ARHGEF9: variants seen among roughly 807,000 people sequenced by gnomAD.
ARHGEF9 encodes the protein Cdc42 guanine nucleotide exchange factor 9.
Under a neutral mutation model 41.3 loss-of-function variants are expected in ARHGEF9, and 2 were observed. The observed-to-expected ratio is 0.05, with a 90% confidence interval of 0.02 to 0.15. ARHGEF9 has a LOEUF of 0.15. Ranked by LOEUF, ARHGEF9 falls within the 10% of genes least tolerant of loss-of-function variation. The pLI is 1.00. For synonymous variants in ARHGEF9, 160 were observed against 154.4 expected, an observed-to-expected ratio of 1.04 and a Z score of -0.27; for missense variants, 225 against 424.7, an observed-to-expected ratio of 0.53 and a Z score of 4.13.
At chrX:63,708,882 CCTAA>C (rs1251137417) in intron 2 of ARHGEF9, among the ~76,000 whole-genome samples, 2 of 112,091 alleles carry the variant, frequency 1.8e-5, no homozygotes, top group African/African-American at 3.2e-5. Flanking sequence ...GCATATAAGG[CCTAA>C]CTGTTTTTCT....
intron 1 of ARHGEF9, among the ~76,000 whole-genome samples, chrX:63,725,324 C>G (rs567671663): frequency 9.0e-6 from 1 of 111,478 alleles, no homozygotes; most frequent in African/African-American, 3.3e-5. Context: ...TTCTGTGATG[C>G]CTTGTACCCA....
At chrX:63,645,500 T>C (rs1455108794) in intron 8 of ARHGEF9, among the ~76,000 whole-genome samples, 2 of 111,490 alleles carry the variant, frequency 1.8e-5, no homozygotes, top group East Asian at 5.6e-4. Flanking sequence ...GTCCTTGAGA[T>C]AGTTTGCTGA....
intron 2 of ARHGEF9, 142 bp from the exon 3 acceptor site, chrX:63,706,591 C>G: frequency 1.4e-6 from 1 of 719,069 alleles, no homozygotes; most frequent in East Asian, 3.5e-5. Context: ...AATTCGAAAC[C>G]TGGCTCTAGG....
At chrX:63,670,507 C>A (rs2049886497) in intron 6 of ARHGEF9, among the ~76,000 whole-genome samples, 1 of 107,876 alleles carries the variant, frequency 9.3e-6, no homozygotes. Context: ...ATATGAGCTA[C>A]AATGTTAGGT....
In ARHGEF9 at chrX:63,678,338, A is replaced by G. The variant is rs2050403310; in HGVS notation, c.815+2T>C. 1 of 1,196,203 alleles carries G rather than the reference A, an allele frequency of 8.4e-7. No individual in the cohort carries two copies. The highest frequency in any genetic ancestry group is 1.1e-6 in the Non-Finnish European group (1 of 885,665). ...TCACTCCTGACTCCCTCGATCCCTT[A>G]CCTGTGGTCTTGGGCAGTATACTTT... On this transcript the variant is annotated splice_donor_variant, in intron 5 of 9. Transcript: ENST00000671741. LOFTEE classifies it high-confidence loss of function.
chrX:63,683,508 T>G (rs1287519994), intron 4 of ARHGEF9, among the ~76,000 whole-genome samples: 7 of 111,569 alleles, frequency 6.3e-5, no homozygotes, highest in Non-Finnish European at 1.3e-4. Flanking sequence ...TATATAAAAT[T>G]TCTATGGAAC....
At chrX:63,719,080 T>C (rs1416488801) in intron 2 of ARHGEF9, among the ~76,000 whole-genome samples, 1 of 112,236 alleles carries the variant, frequency 8.9e-6, no homozygotes, top group Non-Finnish European at 1.9e-5. Context: ...ATTATGTGAA[T>C]GCAAATGAGT....
rs146279574 is a variant in ARHGEF9 at position 63,775,792 on chromosome X, A to G, written c.30+9324T>C. On this transcript the variant is annotated intron_variant, in intron 1 of 9. Transcript: ENST00000671741. ...CCCATGACACACAATTTGCCCATATAACAAACTGGCACACATACTCCTTGA... is the reference window on the plus strand; with the variant it reads ...CCCATGACACACAATTTGCCCATATGACAAACTGGCACACATACTCCTTGA... Among the ~76,000 whole-genome samples the G allele has an allele frequency of 2.9e-4, 32 of 111,749 alleles. No homozygotes were observed. In the East Asian group the frequency reaches 7.3e-3, roughly 25 times the overall value.
At chrX:63,689,770 T>G (rs1483278494) in intron 4 of ARHGEF9, among the ~76,000 whole-genome samples, 8 of 111,934 alleles carry the variant, frequency 7.1e-5, no homozygotes, top group African/African-American at 2.6e-4. Flanking sequence ...TCAACAAATT[T>G]TAAAAAGTCA....
chrX:63,784,630 G>C (rs2056432043), intron 1 of ARHGEF9, among the ~76,000 whole-genome samples: 1 of 111,734 alleles, frequency 8.9e-6, no homozygotes, highest in African/African-American at 3.3e-5. Context: ...GGCTGACCAG[G>C]GAAAGGAGTT....
intron 4 of ARHGEF9, 116 bp downstream of exon 4, chrX:63,697,009 G>A (rs1384015013): frequency 5.9e-5 from 47 of 797,488 alleles, no homozygotes; most frequent in Non-Finnish European, 8.1e-5. Context: ...AGGCCCAAGA[G>A]GAACCCATTC....
chrX:63,678,042 G>A (rs1556364649), intron 5 of ARHGEF9, among the ~76,000 whole-genome samples: 1 of 111,232 alleles, frequency 9.0e-6, no homozygotes, highest in Non-Finnish European at 1.9e-5. Context: ...TTTTTGGATT[G>A]ATGCTGCTTC....
At chrX:63,650,025 GA>G (rs1446448581) in intron 8 of ARHGEF9, among the ~76,000 whole-genome samples, 1 of 111,587 alleles carries the variant, frequency 9.0e-6, no homozygotes, top group Non-Finnish European at 1.9e-5. Context: ...AGAAGAAACA[GA>G]AATAAACTGC....
chrX:63,637,489 C>T lies in ARHGEF9; in HGVS notation c.*539G>A, dbSNP rs1330236612. ...AAGGAGAGGAGAAAGGAGCTCATTCCCTTCCTCAATGGAAAGTAAAAGAGG... is the reference window on the plus strand; with the variant it reads ...AAGGAGAGGAGAAAGGAGCTCATTCTCTTCCTCAATGGAAAGTAAAAGAGG... On this transcript the variant is annotated 3_prime_UTR_variant, in exon 10 of 10. Transcript: ENST00000671741. 4 of 282,173 alleles carry T rather than the reference C, an allele frequency of 1.4e-5. No individual in the cohort carries two copies. The highest frequency in any genetic ancestry group is 2.5e-5 in the Non-Finnish European group (4 of 162,459). The allele number at this position is 282,173 out of a possible 1,213,427, so 23.3% of individuals were successfully genotyped here. A position where few individuals can be genotyped will look rare whatever the true frequency, so the allele number is the denominator to read the frequency against.
At chrX:63,754,581 G>A in intron 1 of ARHGEF9, 1 of 1,082,953 alleles carries the variant, frequency 9.2e-7, no homozygotes, top group Non-Finnish European at 1.2e-6. Flanking sequence ...CCAGGGTCAT[G>A]GTGCAATGCA....
chrX:63,715,739 T>A (rs1304959137), intron 2 of ARHGEF9, among the ~76,000 whole-genome samples: 3 of 112,159 alleles, frequency 2.7e-5, no homozygotes, highest in Admixed American at 1.9e-4. Flanking sequence ...TCAGTTCCTA[T>A]GAATTTAATC....
intron 1 of ARHGEF9, among the ~76,000 whole-genome samples, chrX:63,775,435 G>A (rs181776998): frequency 8.0e-5 from 9 of 112,353 alleles, no homozygotes; most frequent in Admixed American, 7.5e-4. Flanking sequence ...CTAGATGCCC[G>A]TCACAGTGGA....
At chrX:63,745,812 C>A (rs1324615045) in intron 1 of ARHGEF9, among the ~76,000 whole-genome samples, 1 of 111,672 alleles carries the variant, frequency 9.0e-6, no homozygotes, top group Non-Finnish European at 1.9e-5. Flanking sequence ...TATGGCTGGG[C>A]TTGGCAGAGC....
intron 8 of ARHGEF9, among the ~76,000 whole-genome samples, chrX:63,649,902 G>C (rs1446457576): frequency 7.2e-5 from 8 of 111,652 alleles, no homozygotes; most frequent in African/African-American, 2.6e-4. Context: ...TTCTGATTTT[G>C]TAAAAATCAA....
Sources: allele counts gnomAD v4.1 joint callset (sites outside exome capture counted in the v4.1 genomes callset), GRCh38; gene constraint gnomAD v4.1.1; transcripts MANE v1.5; gene names NCBI Gene and HGNC (gene_info 2026-07-23, HGNC 2026-07-21).